The following KCTD16 variants were observed in gnomAD, a reference collection of about 807,000 sequenced individuals.
The protein encoded by KCTD16 is BTB/POZ domain-containing protein KCTD16.
A neutral mutation model predicts 33.2 loss-of-function variants in KCTD16; 13 were observed. The ratio of observed to expected loss-of-function variants is 0.39; its 90% CI spans 0.25 to 0.62. KCTD16 has a LOEUF of 0.62. KCTD16 is among the 20% of genes least tolerant of loss of function. The probability of loss-of-function intolerance (pLI) is 0.50; values close to 1 mark genes in which losing one functional copy is unlikely to be tolerated. For synonymous variants in KCTD16, 197 were observed against 195.3 expected, an observed-to-expected ratio of 1.01 and a Z score of -0.07; for missense variants, 441 against 525.1, an observed-to-expected ratio of 0.84 and a Z score of 1.57.
chr5:144,293,199 TTG>T (rs1755943731), intron 3 of KCTD16, among the ~76,000 whole-genome samples: 1 of 152,230 alleles, frequency 6.6e-6, no homozygotes, highest in Non-Finnish European at 1.5e-5. Context: ...CTTTCTCTAT[TTG>T]ATGGTTTGTG....
intron 3 of KCTD16, among the ~76,000 whole-genome samples, chr5:144,304,367 C>T (rs1751532925): frequency 6.6e-6 from 1 of 152,010 alleles, no homozygotes; most frequent in Non-Finnish European, 1.5e-5. Context: ...ACTCTCATTC[C>T]AGGGGAGTCC....
chr5:144,205,769 C>CT (rs1464546920), intron 2 of KCTD16: 60 of 393,222 alleles, frequency 1.5e-4, no homozygotes, highest in African/African-American at 1.0e-3. Flanking sequence ...CAGGGCTTAA[C>CT]TTTTTTTGCG....
intron 3 of KCTD16, among the ~76,000 whole-genome samples, chr5:144,258,705 T>C (rs1012772668): frequency 4.6e-5 from 7 of 152,258 alleles, no homozygotes; most frequent in African/African-American, 1.7e-4. Context: ...AAATTGCTCA[T>C]TTCTCTTGAA....
Position 144,475,313 on chromosome 5 carries a change from G to A in KCTD16, c.*1199G>A, listed in dbSNP as rs1279929486. 6.6e-6 allele frequency: 1 copy of A among 152,126 alleles called. No homozygotes were observed. Among genetic ancestry groups the A allele is most frequent in the African/African-American group, 2.4e-5 (1 of 41,412 alleles). 9.4% of individuals were successfully genotyped at this position (152,126 alleles called of 1,614,324 possible). On this transcript the variant is annotated 3_prime_UTR_variant, in exon 4 of 4. Transcript: ENST00000512467. ...CCGTTTTTGTTTGCCTTTGGGATTC[G>A]GGCTTTGGCTGTGCCCATGCTAGGA... is the stretch of plus-strand genomic sequence containing the variant.
At chr5:144,186,364 G>T (rs12520193) in intron 2 of KCTD16, among the ~76,000 whole-genome samples, 1 of 142,256 alleles carries the variant, frequency 7.0e-6, no homozygotes, top group Non-Finnish European at 1.5e-5. Flanking sequence ...AAAAAAAAAA[G>T]AAAAAAAAAA....
chr5:144,410,655 A>G (rs1454404416), intron 3 of KCTD16, among the ~76,000 whole-genome samples: 1 of 152,074 alleles, frequency 6.6e-6, no homozygotes, highest in African/African-American at 2.4e-5. Context: ...CCTTGATCTG[A>G]TGTGTCAAGT....
intron 3 of KCTD16, among the ~76,000 whole-genome samples, chr5:144,231,203 T>G (rs1277249457): frequency 6.6e-6 from 1 of 152,136 alleles, no homozygotes; most frequent in East Asian, 1.9e-4. Flanking sequence ...GATATCTAAT[T>G]GTAAGATTTG....
At chr5:144,429,125 A>G (rs558876097) in intron 3 of KCTD16, among the ~76,000 whole-genome samples, 46 of 152,292 alleles carry the variant, frequency 3.0e-4, no homozygotes, top group Non-Finnish European at 5.3e-4. Flanking sequence ...AAATCTAAGG[A>G]AACGGTGATG....
chr5:144,443,225 T>C (rs1753751755), intron 3 of KCTD16, among the ~76,000 whole-genome samples: 2 of 152,100 alleles, frequency 1.3e-5, no homozygotes, highest in Non-Finnish European at 2.9e-5. Context: ...TTTCCATTAC[T>C]TGGAGCTTAT....
rs189994369 is a variant in KCTD16 at position 144,261,083 on chromosome 5, G to A, written c.832+53537G>A. Among the ~76,000 whole-genome samples the A allele has an allele frequency of 6.8e-4, 101 of 148,552 alleles. 1 individual carries two copies. The highest frequency in any genetic ancestry group is 2.1e-3 in the African/African-American group (86 of 40,196). On this transcript the variant is annotated intron_variant, in intron 3 of 3. Coordinates refer to ENST00000512467, the MANE Select transcript of KCTD16 (RefSeq NM_020768.4). ...TTAGCTTAGCAACAGAGGCTGTCAT[G>A]CTTAAGATTTGAGTATCACTGATAC...
intron 2 of KCTD16, among the ~76,000 whole-genome samples, chr5:144,190,582 T>C (rs1752821249): frequency 6.6e-6 from 1 of 152,178 alleles, no homozygotes; most frequent in Non-Finnish European, 1.5e-5. Flanking sequence ...AATTCCTTTC[T>C]TTACTATAGT....
chr5:144,258,914 T>C (rs1183892640), intron 3 of KCTD16, among the ~76,000 whole-genome samples: 1 of 152,088 alleles, frequency 6.6e-6, no homozygotes, highest in Admixed American at 6.5e-5. Context: ...CTCAAAATCC[T>C]ACTTTCTTGC....
In KCTD16 at chr5:144,264,389, A is replaced by T. The variant is rs115742148; in HGVS notation, c.832+56843A>T. Among the ~76,000 whole-genome samples, 1,495 of 152,290 alleles carry T rather than the reference A, an allele frequency of 9.8e-3. 22 individuals are homozygous for T. Among genetic ancestry groups the T allele is most frequent in the African/African-American group, 0.034 (1,405 of 41,558 alleles). On this transcript the variant is annotated intron_variant, in intron 3 of 3. Coordinates refer to ENST00000512467, the MANE Select transcript of KCTD16 (RefSeq NM_020768.4). ...AAATGTAAGGATTTTGGATCTCTAA[A>T]TGTTAATACATATGTAAATTTGGAT...
At chr5:144,404,134 C>A (rs934182053) in intron 3 of KCTD16, among the ~76,000 whole-genome samples, 3 of 152,142 alleles carry the variant, frequency 2.0e-5, no homozygotes, top group Admixed American at 6.5e-5. Context: ...CTACTCAATT[C>A]ATTTAATAAC....
At chr5:144,402,222 G>A (rs762499990) in intron 3 of KCTD16, among the ~76,000 whole-genome samples, 6 of 152,170 alleles carry the variant, frequency 3.9e-5, no homozygotes, top group South Asian at 4.1e-4. Flanking sequence ...TTAACTGTTC[G>A]TTGGCTATAG....
intron 3 of KCTD16, among the ~76,000 whole-genome samples, chr5:144,364,209 G>A (rs1313916860): frequency 1.3e-5 from 2 of 152,168 alleles, no homozygotes; most frequent in African/African-American, 2.4e-5. Flanking sequence ...CAATGACTAG[G>A]CGAAGGTACG....
At chr5:144,378,612 A>G (rs1752144669) in intron 3 of KCTD16, among the ~76,000 whole-genome samples, 1 of 152,170 alleles carries the variant, frequency 6.6e-6, no homozygotes, top group African/African-American at 2.4e-5. Context: ...TTTATTAAGT[A>G]TGTCATTTCT....
At chr5:144,368,262 G>A (rs1163448349) in intron 3 of KCTD16, among the ~76,000 whole-genome samples, 1 of 152,108 alleles carries the variant, frequency 6.6e-6, no homozygotes, top group Non-Finnish European at 1.5e-5. Context: ...TTAGTCAGTT[G>A]ACCTTAAAAC....
chr5:144,435,334 A>G (rs957295194), intron 3 of KCTD16, among the ~76,000 whole-genome samples: 2 of 152,218 alleles, frequency 1.3e-5, no homozygotes, highest in Non-Finnish European at 2.9e-5. Flanking sequence ...GCTGATAGCA[A>G]TGTCTTTCCA....
Sources: gnomAD v4.1 joint callset for allele counts (sites outside exome capture counted in the v4.1 genomes callset) on GRCh38, gnomAD v4.1.1 for gene constraint, MANE v1.5 for transcripts, NCBI Gene and HGNC (gene_info 2026-07-23, HGNC 2026-07-21) for gene names.